The following DIAPH2 variants were observed in gnomAD, a reference collection of about 807,000 sequenced individuals.
The protein encoded by DIAPH2 is diaphanous related formin 2.
Under a neutral mutation model 92.7 loss-of-function variants are expected in DIAPH2, and 35 were observed. That is an observed-to-expected ratio of 0.38 (90% CI 0.29 to 0.50). The LOEUF (loss-of-function observed/expected upper bound fraction) is 0.50, where lower values mean the gene tolerates loss of function less well. Among genes scored for constraint, DIAPH2 ranks in the 20% least tolerant of loss-of-function variants. DIAPH2 has a pLI of 0.94. For missense variants in DIAPH2, 701 were observed against 819.5 expected (o/e 0.86, Z 1.77); for synonymous variants, 301 against 280.4 (o/e 1.07, Z -0.73).
At chrX:96,951,257 G>C (rs2065772894) in intron 15 of DIAPH2, among the ~76,000 whole-genome samples, 1 of 111,681 alleles carries the variant, frequency 9.0e-6, no homozygotes, top group Admixed American at 9.6e-5. Context: ...TTGCTCATCT[G>C]TGTGTGTGAA....
chrX:97,173,455 ACT>A (rs1659572919), intron 22 of DIAPH2, among the ~76,000 whole-genome samples: 1 of 111,856 alleles, frequency 8.9e-6, no homozygotes, highest in Non-Finnish European at 1.9e-5. Context: ...GTTCTGTTGC[ACT>A]CTTATGATGC....
At chrX:96,958,251 C>T (rs372020557) in intron 16 of DIAPH2, 103 bp downstream of exon 16, 54 of 910,243 alleles carry the variant, frequency 5.9e-5, no homozygotes, top group Middle Eastern at 3.5e-4. Context: ...TGACTCTTTC[C>T]GTTCCTTTGT....
At chrX:96,950,340 A>G (rs1333282491) in intron 15 of DIAPH2, among the ~76,000 whole-genome samples, 1 of 111,393 alleles carries the variant, frequency 9.0e-6, no homozygotes, top group Non-Finnish European at 1.9e-5. Context: ...CTACCCCCAT[A>G]GGATGGTCCT....
intron 24 of DIAPH2, among the ~76,000 whole-genome samples, chrX:97,350,497 G>A (rs1040932628): frequency 9.0e-6 from 1 of 110,922 alleles, no homozygotes; most frequent in Non-Finnish European, 1.9e-5. Flanking sequence ...CAGCCTGTGT[G>A]TACTCATATT....
intron 26 of DIAPH2, among the ~76,000 whole-genome samples, chrX:97,597,287 C>T (rs1270304521): frequency 8.9e-6 from 1 of 112,164 alleles, no homozygotes; most frequent in Non-Finnish European, 1.9e-5. Context: ...CAATGTTTAT[C>T]CTGCCTTGCA....
At chrX:96,942,747 G>A (rs1266423214) in intron 13 of DIAPH2, among the ~76,000 whole-genome samples, 2 of 111,268 alleles carry the variant, frequency 1.8e-5, no homozygotes, top group Non-Finnish European at 3.8e-5. Flanking sequence ...AACCTCTGAA[G>A]GATGATCTGA....
At chrX:97,319,522 G>A (rs937571109) in intron 23 of DIAPH2, among the ~76,000 whole-genome samples, 1 of 109,649 alleles carries the variant, frequency 9.1e-6, no homozygotes, top group South Asian at 4.0e-4. Context: ...AAGTAGCTGG[G>A]ACTACAGGCG....
chrX:96,848,239 G>A (rs1278087989), intron 4 of DIAPH2, among the ~76,000 whole-genome samples: 1 of 110,354 alleles, frequency 9.1e-6, no homozygotes, highest in African/African-American at 3.3e-5. Context: ...TTGGGGTCTC[G>A]CTTTGTTGCC....
chrX:97,219,282 A>G (rs781153314), intron 22 of DIAPH2, among the ~76,000 whole-genome samples: 17 of 112,555 alleles, frequency 1.5e-4, no homozygotes, highest in Non-Finnish European at 3.0e-4. Context: ...TGATATAAGC[A>G]TACATGCACT....
chrX:97,258,891 AC>A (rs1279754777), intron 23 of DIAPH2, among the ~76,000 whole-genome samples: 1,158 of 92,396 alleles, frequency 0.013, 50 homozygotes, highest in African/African-American at 0.046. Flanking sequence ...AAAAAAAAAA[AC>A]AACAACAACA....
chrX:97,128,641 A>G (rs1257284878), intron 21 of DIAPH2, among the ~76,000 whole-genome samples: 1 of 112,136 alleles, frequency 8.9e-6, no homozygotes, highest in East Asian at 2.8e-4. Context: ...CTCCACTGCA[A>G]TCAACCAGTG....
intron 4 of DIAPH2, among the ~76,000 whole-genome samples, chrX:96,856,359 A>G (rs1268990472): frequency 1.8e-5 from 2 of 110,272 alleles, no homozygotes; most frequent in Non-Finnish European, 1.9e-5. Context: ...CTGCTTCCAG[A>G]CACCCCAGTT....
chrX:96,962,503 A>ATG (rs754958352), intron 16 of DIAPH2, among the ~76,000 whole-genome samples: 4 of 75,402 alleles, frequency 5.3e-5, no homozygotes, highest in Admixed American at 1.5e-4. Flanking sequence ...ACACATATAT[A>ATG]TATATATATA....
chrX:96,735,206 A>T (rs2064079214), intron 1 of DIAPH2, among the ~76,000 whole-genome samples: 1 of 111,849 alleles, frequency 8.9e-6, no homozygotes, highest in Admixed American at 9.5e-5. Flanking sequence ...AGAATATTTT[A>T]AAAATATTTC....
chrX:97,227,902 T>A (rs2067978079), intron 22 of DIAPH2, among the ~76,000 whole-genome samples: 1 of 111,360 alleles, frequency 9.0e-6, no homozygotes, highest in South Asian at 3.8e-4. Flanking sequence ...TTAAAAAAAT[T>A]TTTTTTCAAT....
chrX:97,408,529 T>C (rs1253308956), intron 25 of DIAPH2, among the ~76,000 whole-genome samples: 1 of 111,693 alleles, frequency 9.0e-6, no homozygotes, highest in Non-Finnish European at 1.9e-5. Context: ...GTAAAGTATG[T>C]AATTAAGGTC....
intron 21 of DIAPH2, among the ~76,000 whole-genome samples, chrX:97,124,321 A>G (rs778463207): frequency 2.3e-3 from 257 of 112,544 alleles, no homozygotes; most frequent in African/African-American, 7.8e-3. Flanking sequence ...GCCTCTTAAA[A>G]TATAGAGGTC....
chrX:96,995,682 T>A (rs1436882685), intron 17 of DIAPH2, among the ~76,000 whole-genome samples: 1 of 111,273 alleles, frequency 9.0e-6, no homozygotes, highest in African/African-American at 3.3e-5. Context: ...CTCTAAAGAT[T>A]AATTATTTGA....
chrX:97,284,535 G>A (rs960068903), intron 23 of DIAPH2, among the ~76,000 whole-genome samples: 6 of 108,802 alleles, frequency 5.5e-5, no homozygotes, highest in East Asian at 5.7e-4. Context: ...GCTTGAACCC[G>A]GGAGGCGGAG....
Sources: gnomAD v4.1 joint callset for allele counts (sites outside exome capture counted in the v4.1 genomes callset) on GRCh38, gnomAD v4.1.1 for gene constraint, MANE v1.5 for transcripts, NCBI Gene and HGNC (gene_info 2026-07-23, HGNC 2026-07-21) for gene names.